Variants in ADGRV1 observed in about 807,000 individuals in gnomAD.
ADGRV1 encodes the protein G-protein coupled receptor 98.
In ADGRV1, 359 loss-of-function variants were observed where a neutral mutation model predicts 596.2. The observed-to-expected ratio is 0.60, with a 90% confidence interval of 0.55 to 0.66. The LOEUF (loss-of-function observed/expected upper bound fraction) is 0.66. Among genes scored for constraint, ADGRV1 ranks in the 30% least tolerant of loss-of-function variants. The probability of loss-of-function intolerance (pLI) is 0.00; values close to 1 mark genes in which losing one functional copy is unlikely to be tolerated. For missense variants in ADGRV1, 7,274 were observed against 7,575.6 expected, an observed-to-expected ratio of 0.96 and a Z score of 1.48; for synonymous variants, 2,681 against 2,679.2, an observed-to-expected ratio of 1.00 and a Z score of -0.02.
intron 85 of ADGRV1, among the ~76,000 whole-genome samples, chr5:91,063,560 G>A (rs1787634698): frequency 6.6e-6 from 1 of 152,134 alleles, no homozygotes; most frequent in Non-Finnish European, 1.5e-5. Flanking sequence ...ACAGTTGGCG[G>A]AAGATTCATT....
At chr5:90,976,089 C>A (rs1779549706) in intron 84 of ADGRV1, among the ~76,000 whole-genome samples, 1 of 151,382 alleles carries the variant, frequency 6.6e-6, no homozygotes, top group South Asian at 2.1e-4. Flanking sequence ...CTTTGCTCTA[C>A]CCTCAATGCC....
intron 52 of ADGRV1, 62 bp from the exon 53 acceptor site, chr5:90,750,489 A>C (rs1294844442): frequency 1.5e-5 from 22 of 1,427,380 alleles, no homozygotes; most frequent in Non-Finnish European, 4.8e-6. Context: ...CATGAGACAA[A>C]AAAAGAAGTC....
At chr5:90,855,927 T>C (rs1766981056) in intron 82 of ADGRV1, 26 bp downstream of exon 82, 2 of 1,548,968 alleles carry the variant, frequency 1.3e-6, no homozygotes, top group Admixed American at 1.7e-5. Flanking sequence ...TTTGAATCAA[T>C]GGTTATAAAT....
At chr5:90,647,944 A>T (rs1261873915) in intron 17 of ADGRV1, among the ~76,000 whole-genome samples, 180 bp downstream of exon 17, 4 of 882 alleles carry the variant, frequency 4.5e-3, no homozygotes, top group African/African-American at 0.038. Flanking sequence ...TTGAACCTTT[A>T]TGTACTTGTT....
At chr5:90,839,133 T>C (rs977856463) in intron 77 of ADGRV1, among the ~76,000 whole-genome samples, 81 of 152,192 alleles carry the variant, frequency 5.3e-4, no homozygotes, top group Admixed American at 9.2e-4. Context: ...TCTAGGGTCT[T>C]CCTGCCACAT....
chr5:90,681,764 T>A (rs962531037), intron 27 of ADGRV1, among the ~76,000 whole-genome samples: 27 of 152,122 alleles, frequency 1.8e-4, no homozygotes, highest in African/African-American at 6.0e-4. Context: ...GTAACAAACA[T>A]CTCTAAAATA....
At chr5:91,040,337 C>G (rs1312480782) in intron 85 of ADGRV1, among the ~76,000 whole-genome samples, 1 of 152,118 alleles carries the variant, frequency 6.6e-6, no homozygotes, top group South Asian at 2.1e-4. Context: ...AGTTCCTTCT[C>G]ATATGTTTGG....
rs763923658 is a variant in ADGRV1 at position 90,810,690 on chromosome 5, G to A, written c.15430G>A (p.Val5144Ile). 1 of 1,613,942 alleles carries A rather than the reference G, an allele frequency of 6.2e-7. No individual in the cohort carries two copies. The highest frequency in any genetic ancestry group is 8.5e-7 in the Non-Finnish European group (1 of 1,179,882). Residue 5144 changes from valine (V) to isoleucine (I), a missense_variant, in exon 74 of 90, where the codon GTA becomes ATA. By Grantham distance (29) the Val-to-Ile change is conservative. Around this residue, in one of 5 missense-constraint regions of ADGRV1, gnomAD observed 1,874 missense variants for 1,970.2 expected, o/e 0.95. Transcript: ENST00000405460. Reference sequence around the variant, plus strand: ...TTCCTTCCCCGAGACAACTGTGGCTGTAGCAGTTGACACAACTCTCATTCC... The same window carrying A: ...TTCCTTCCCCGAGACAACTGTGGCTATAGCAGTTGACACAACTCTCATTCC... Reference protein sequence around the residue: ...DISFPETTVAVAVDTTLIPVE... With the variant: ...DISFPETTVAIAVDTTLIPVE...
intron 84 of ADGRV1, among the ~76,000 whole-genome samples, chr5:90,973,758 A>C (rs1779284077): frequency 6.6e-6 from 1 of 152,186 alleles, no homozygotes; most frequent in African/African-American, 2.4e-5. Context: ...CTGAATGGGC[A>C]AAAACTGGAA....
intron 21 of ADGRV1, among the ~76,000 whole-genome samples, chr5:90,666,204 G>T (rs1320021354): frequency 6.6e-6 from 1 of 151,304 alleles, no homozygotes; most frequent in Non-Finnish European, 1.5e-5. Flanking sequence ...GTCTAATGTT[G>T]ACAGTGGGGT....
chr5:90,783,068 C>A, intron 65 of ADGRV1, 56 bp from the exon 66 acceptor site: 1 of 1,433,112 alleles, frequency 7.0e-7, no homozygotes, highest in Non-Finnish European at 9.8e-7. Flanking sequence ...TTGGCTGAAT[C>A]TTATAAGTTA....
chr5:91,151,063 A>G (rs1228488857), intron 88 of ADGRV1, among the ~76,000 whole-genome samples: 1 of 152,164 alleles, frequency 6.6e-6, no homozygotes, highest in Non-Finnish European at 1.5e-5. Context: ...GGAAAACAGT[A>G]TTTGTGTTTA....
At chr5:90,999,175 A>G (rs1305112148) in intron 85 of ADGRV1, among the ~76,000 whole-genome samples, 1 of 151,840 alleles carries the variant, frequency 6.6e-6, no homozygotes, top group Non-Finnish European at 1.5e-5. Context: ...TCTCTCCTGA[A>G]TTTTTATTTC....
Position 91,150,164 on chromosome 5 carries a change from T to G in ADGRV1, c.18567T>G (p.Pro6189=). Residue 6189 remains proline, a synonymous_variant, in exon 88 of 90, where the codon CCT becomes CCG. Transcript: ENST00000405460. ...TTTTCACGCCCGGGAGTGGAATGCC[T>G]CCTGCTGGAGGGGAAATCAGCAAGT... ...TAFFTPGSGM[P]PAGGEISKST... 2 of 1,597,344 alleles carry G rather than the reference T, an allele frequency of 1.3e-6. No individual in the cohort carries two copies. The highest frequency in any genetic ancestry group is 8.5e-7 in the Non-Finnish European group (1 of 1,172,922).
chr5:90,588,604 C>T (rs921863606), intron 1 of ADGRV1, among the ~76,000 whole-genome samples: 4 of 152,212 alleles, frequency 2.6e-5, no homozygotes, highest in African/African-American at 9.6e-5. Flanking sequence ...GCAAAGGAGG[C>T]AGAGGGGCTT....
chr5:90,759,610 A>G, intron 58 of ADGRV1, 22 bp downstream of exon 58: 2 of 1,600,552 alleles, frequency 1.2e-6, no homozygotes, highest in Non-Finnish European at 1.7e-6. Context: ...ATATCAGGGG[A>G]AAGCCTTGTT....
At chr5:90,855,183 GT>G (rs1207850387) in intron 81 of ADGRV1, among the ~76,000 whole-genome samples, 1 of 152,050 alleles carries the variant, frequency 6.6e-6, no homozygotes, top group Non-Finnish European at 1.5e-5. Context: ...TTATGACATG[GT>G]TTTTCTGCTA....
At chr5:90,691,871 C>T (rs1004306905) in intron 31 of ADGRV1, among the ~76,000 whole-genome samples, 3 of 151,910 alleles carry the variant, frequency 2.0e-5, no homozygotes, top group Non-Finnish European at 4.4e-5. Flanking sequence ...TTTCCTTTTC[C>T]TGATGAAGCA....
At position 90,781,449 on chromosome 5, in the gene ADGRV1, C is replaced by T. The variant is rs763037869; in HGVS notation, c.13102C>T (p.Gln4368Ter). The T allele has an allele frequency of 1.2e-6, 2 of 1,605,088 alleles. No individual in the cohort carries two copies. The highest frequency in any genetic ancestry group is 1.7e-6 in the Non-Finnish European group (2 of 1,174,508). Reference protein sequence around the residue: ...LQGRGYDFTIQENGLQIDQPP... With the variant: ...LQGRGYDFTI ...TGGAAGAGGGTATGATTTTACCATT[C>T]AAGAAAATGGACTTCAGATAGATCA... Residue 4368 changes from glutamine (Q) to a stop codon, truncating the protein, a stop_gained, in exon 65 of 90, where the codon CAA (glutamine) becomes TAA (stop). Coordinates refer to ENST00000405460, the MANE Select transcript of ADGRV1 (RefSeq NM_032119.4). LOFTEE classifies it high-confidence loss of function.
Sources: allele counts gnomAD v4.1 joint callset (sites outside exome capture counted in the v4.1 genomes callset), GRCh38; gene constraint gnomAD v4.1.1; regional missense constraint gnomAD v4.1.1; transcripts MANE v1.5; gene names NCBI Gene and HGNC (gene_info 2026-07-23, HGNC 2026-07-21).